The following SYT14 variants were observed in gnomAD, a reference collection of about 807,000 sequenced individuals.
The protein encoded by SYT14 is synaptotagmin 14, also known as synaptotagmin-14.
A neutral mutation model predicts 74.2 loss-of-function variants in SYT14; 32 were observed. That is an observed-to-expected ratio of 0.43 (90% CI 0.33 to 0.58). The LOEUF is 0.58. SYT14 is among the 20% of genes least tolerant of loss of function. SYT14 has a pLI of 0.05. For synonymous variants in SYT14, 298 were observed against 337.7 expected, an observed-to-expected ratio of 0.88 and a Z score of 1.29; for missense variants, 791 against 981.8, an observed-to-expected ratio of 0.81 and a Z score of 2.60.
chr1:210,083,352 C>T (rs550464755), intron 5 of SYT14, among the ~76,000 whole-genome samples: 22 of 152,052 alleles, frequency 1.4e-4, no homozygotes, highest in Non-Finnish European at 2.2e-4. Flanking sequence ...ACTTTCAAGG[C>T]GTGACATAAA....
At chr1:210,105,621 G>A (rs531848691) in intron 7 of SYT14, among the ~76,000 whole-genome samples, 7 of 152,288 alleles carry the variant, frequency 4.6e-5, no homozygotes, top group African/African-American at 1.4e-4. Flanking sequence ...CCCTGCGGTC[G>A]AGAATCAGAT....
intron 7 of SYT14, among the ~76,000 whole-genome samples, chr1:210,141,038 T>G: frequency 7.3e-6 from 1 of 136,946 alleles, no homozygotes; most frequent in East Asian, 2.1e-4. Flanking sequence ...TTGACTTCTT[T>G]GTTTCTGCAA....
At chr1:209,943,659 G>GT (rs1396761745) in intron 1 of SYT14, among the ~76,000 whole-genome samples, 2 of 151,642 alleles carry the variant, frequency 1.3e-5, no homozygotes, top group East Asian at 3.9e-4. Context: ...AAAATATTAT[G>GT]TTCGCACATA....
chr1:209,950,300 A>AG (rs1163550823), intron 1 of SYT14, among the ~76,000 whole-genome samples: 3 of 152,200 alleles, frequency 2.0e-5, no homozygotes, highest in African/African-American at 7.2e-5. Flanking sequence ...CAATATATTA[A>AG]TACATTATAG....
chr1:209,996,106 GAAGAA>G (rs1298075887), intron 2 of SYT14, among the ~76,000 whole-genome samples: 5 of 151,960 alleles, frequency 3.3e-5, no homozygotes, highest in African/African-American at 1.2e-4. Flanking sequence ...AAAGCTAGCC[GAAGAA>G]AAGAAAGAAC....
At chr1:209,986,113 C>T (rs1572114496) in intron 2 of SYT14, among the ~76,000 whole-genome samples, 1 of 152,232 alleles carries the variant, frequency 6.6e-6, no homozygotes, top group Non-Finnish European at 1.5e-5. Context: ...GGTTGCTCCG[C>T]AGCCTGCTTA....
At chr1:210,141,186 T>C (rs2082907990) in intron 7 of SYT14, among the ~76,000 whole-genome samples, 1 of 152,186 alleles carries the variant, frequency 6.6e-6, no homozygotes, top group Admixed American at 6.5e-5. Context: ...TTTTCATTTA[T>C]TTAGGACTTC....
At chr1:210,039,754 A>C (rs1204860837) in intron 5 of SYT14, among the ~76,000 whole-genome samples, 2 of 152,212 alleles carry the variant, frequency 1.3e-5, no homozygotes, top group Non-Finnish European at 2.9e-5. Context: ...GAAGACATTT[A>C]TGTGGCCAAA....
At chr1:210,098,174 CAAA>C (rs879873358) in intron 6 of SYT14, among the ~76,000 whole-genome samples, 6 of 119,944 alleles carry the variant, frequency 5.0e-5, no homozygotes, top group African/African-American at 6.2e-5. Flanking sequence ...GACCCTGTGT[CAAA>C]AAAAAAAAAA....
intron 2 of SYT14, among the ~76,000 whole-genome samples, chr1:209,954,168 CAA>C (rs1275586527): frequency 6.6e-6 from 1 of 152,112 alleles, no homozygotes; most frequent in Admixed American, 6.5e-5. Flanking sequence ...AGAATCAAAA[CAA>C]GAGTAGAGAC....
At chr1:209,949,752 C>T (rs1246155660) in intron 1 of SYT14, among the ~76,000 whole-genome samples, 2 of 151,904 alleles carry the variant, frequency 1.3e-5, no homozygotes, top group African/African-American at 4.8e-5. Flanking sequence ...TTTTGAGTTC[C>T]ACATGTACAT....
At chr1:210,095,949 A>G (rs2081960179) in intron 6 of SYT14, among the ~76,000 whole-genome samples, 1 of 152,196 alleles carries the variant, frequency 6.6e-6, no homozygotes, top group Non-Finnish European at 1.5e-5. Flanking sequence ...TAAACTACAT[A>G]TATAGCTCAC....
At chr1:210,140,610 T>C (rs980482038) in intron 7 of SYT14, among the ~76,000 whole-genome samples, 2 of 152,184 alleles carry the variant, frequency 1.3e-5, no homozygotes, top group African/African-American at 4.8e-5. Context: ...TACTATGTTT[T>C]CTTCTAGTAG....
At chr1:209,948,941 C>T (rs2078865392) in intron 1 of SYT14, among the ~76,000 whole-genome samples, 1 of 152,154 alleles carries the variant, frequency 6.6e-6, no homozygotes, top group African/African-American at 2.4e-5. Flanking sequence ...CCCAAAGATA[C>T]TGGCTAAGTG....
chr1:210,008,928 G>C (rs2080037435), intron 2 of SYT14, among the ~76,000 whole-genome samples: 1 of 152,142 alleles, frequency 6.6e-6, no homozygotes, highest in South Asian at 2.1e-4. Flanking sequence ...GTGTACAGCA[G>C]GGGTGTCCAA....
At chr1:209,989,843 G>A (rs1410926929) in intron 2 of SYT14, among the ~76,000 whole-genome samples, 1 of 151,946 alleles carries the variant, frequency 6.6e-6, no homozygotes, top group African/African-American at 2.4e-5. Context: ...TGAAATTATT[G>A]TTGCTTTAGA....
At chr1:210,119,493 C>G (rs1489875701) in intron 7 of SYT14, among the ~76,000 whole-genome samples, 1 of 152,134 alleles carries the variant, frequency 6.6e-6, no homozygotes, top group Non-Finnish European at 1.5e-5. Flanking sequence ...TAGCAGGTTT[C>G]TAGTCTCATA....
chr1:209,974,418 C>T (rs968111278), intron 2 of SYT14, among the ~76,000 whole-genome samples: 1 of 152,140 alleles, frequency 6.6e-6, no homozygotes, highest in South Asian at 2.1e-4. Flanking sequence ...CCAGTTTCAG[C>T]TTTCTACATA....
intron 2 of SYT14, among the ~76,000 whole-genome samples, chr1:209,978,772 C>A (rs1383004353): frequency 6.6e-6 from 1 of 152,216 alleles, no homozygotes. Context: ...GATTTTGCTG[C>A]CTTTTGTTTG....
Sources: allele counts gnomAD v4.1 joint callset (sites outside exome capture counted in the v4.1 genomes callset), GRCh38; gene constraint gnomAD v4.1.1; transcripts MANE v1.5; gene names NCBI Gene and HGNC (gene_info 2026-07-23, HGNC 2026-07-21).